Variants in NRXN3 observed in about 807,000 individuals in gnomAD.
NRXN3 encodes neurexin III.
A neutral mutation model predicts 137.6 loss-of-function variants in NRXN3; 32 were observed. The observed-to-expected ratio is 0.23, with a 90% CI of 0.18 to 0.31. NRXN3 has a LOEUF of 0.31. Among genes scored for constraint, NRXN3 ranks in the 10% least tolerant of loss-of-function variants. The pLI is 1.00. For synonymous variants in NRXN3, 798 were observed against 784.5 expected (o/e 1.02, Z -0.29); for missense variants, 1,574 against 2,062.5 (o/e 0.76, Z 4.59).
chr14:79,540,010 G>A (rs890415123), intron 16 of NRXN3, among the ~76,000 whole-genome samples: 11 of 152,102 alleles, frequency 7.2e-5, no homozygotes, highest in African/African-American at 2.7e-4. Flanking sequence ...TGAGTAGAGG[G>A]GAGTGAGAAG....
chr14:79,165,510 T>C (rs561900035), intron 15 of NRXN3, among the ~76,000 whole-genome samples: 1 of 152,124 alleles, frequency 6.6e-6, no homozygotes, highest in East Asian at 1.9e-4. Context: ...AAAGCAAGAA[T>C]CTAACTTCCT....
At chr14:78,536,544 T>C (rs1212328792) in intron 4 of NRXN3, among the ~76,000 whole-genome samples, 1 of 152,204 alleles carries the variant, frequency 6.6e-6, no homozygotes, top group Non-Finnish European at 1.5e-5. Context: ...GAACTAGCTC[T>C]AGCTGGTCTG....
At chr14:78,294,221 C>T (rs540564580) in intron 3 of NRXN3, among the ~76,000 whole-genome samples, 1 of 152,276 alleles carries the variant, frequency 6.6e-6, no homozygotes, top group East Asian at 1.9e-4. Context: ...CAGTACATTT[C>T]CATAGCATAA....
At chr14:78,930,162 G>A (rs1300129973) in intron 10 of NRXN3, among the ~76,000 whole-genome samples, 1 of 152,146 alleles carries the variant, frequency 6.6e-6, no homozygotes. Context: ...GTAAGTAATA[G>A]ACCAATGTCA....
chr14:79,394,111 G>C lies in NRXN3; in HGVS notation c.3263-73110G>C, dbSNP rs140034212. ...CATAGTTTATGCTTGGTGGCATGTA[G>C]AGAAATATAAAAATAAAAGATAGTG... On this transcript the variant is annotated intron_variant, in intron 15 of 20. Coordinates refer to ENST00000335750, the MANE Select transcript of NRXN3 (RefSeq NM_001330195.2). Among the ~76,000 whole-genome samples the C allele has an allele frequency of 8.9e-4, 136 of 152,270 alleles. No homozygotes were observed. The East Asian group carries it at 0.022, about 25-fold the overall frequency.
chr14:79,181,142 A>G, intron 15 of NRXN3, among the ~76,000 whole-genome samples: 1 of 152,034 alleles, frequency 6.6e-6, no homozygotes, highest in East Asian at 1.9e-4. Context: ...CTTGGTCTAT[A>G]AAGATTCTAA....
intron 16 of NRXN3, among the ~76,000 whole-genome samples, chr14:79,617,919 A>AAAAAAAAAAAAAAAAAACAAAC (rs1309031706): frequency 7.2e-6 from 1 of 139,732 alleles, no homozygotes; most frequent in African/African-American, 2.6e-5. Flanking sequence ...AATAGCAGCA[A>AAAAAAAAAAAAAAAAAACAAAC]AAAAAAAAAA....
At chr14:78,902,845 TTA>T (rs574542908) in intron 10 of NRXN3, among the ~76,000 whole-genome samples, 14 of 151,246 alleles carry the variant, frequency 9.3e-5, no homozygotes, top group African/African-American at 3.4e-4. Flanking sequence ...ATATTAAATA[TTA>T]TATATATATG....
intron 4 of NRXN3, among the ~76,000 whole-genome samples, chr14:78,344,845 T>C (rs545019988): frequency 6.6e-6 from 1 of 152,274 alleles, no homozygotes; most frequent in African/African-American, 2.4e-5. Flanking sequence ...AACTCTCAGA[T>C]TCTTTGAAAG....
intron 10 of NRXN3, among the ~76,000 whole-genome samples, chr14:78,917,934 A>G (rs971443447): frequency 6.7e-6 from 1 of 149,804 alleles, no homozygotes; most frequent in African/African-American, 2.5e-5. Flanking sequence ...CAACCTGAAT[A>G]TTTTCTAGAT....
rs141761346 is a variant in NRXN3 at position 79,825,344 on chromosome 14, T to A, written c.4093+20154T>A. 3.9e-5 allele frequency among the ~76,000 whole-genome samples: 6 copies of A among 152,288 alleles called. No homozygotes were observed. The East Asian group carries it at 1.2e-3, about 29-fold the overall frequency. The stretch of plus-strand genomic sequence containing the variant: ...TCACCCTATCAGTTGTCATTCATGC[T>A]GACTTCTTCCTCTACTCTCTTCACT... On this transcript the variant is annotated intron_variant, in intron 20 of 20. Coordinates refer to ENST00000335750, the MANE Select transcript of NRXN3 (RefSeq NM_001330195.2).
intron 11 of NRXN3, among the ~76,000 whole-genome samples, chr14:78,957,776 C>T (rs1204037578): frequency 6.6e-6 from 1 of 152,168 alleles, no homozygotes; most frequent in African/African-American, 2.4e-5. Context: ...CAGAACATTA[C>T]AGGTAAAAGT....
chr14:79,018,538 AT>A (rs1295391484), intron 15 of NRXN3, among the ~76,000 whole-genome samples: 1 of 152,008 alleles, frequency 6.6e-6, no homozygotes, highest in African/African-American at 2.4e-5. Context: ...TTTTATTCTC[AT>A]CTGTTTTATT....
intron 10 of NRXN3, among the ~76,000 whole-genome samples, chr14:78,904,880 C>A (rs1405491702): frequency 6.6e-6 from 1 of 152,024 alleles, no homozygotes; most frequent in Non-Finnish European, 1.5e-5. Context: ...CCTATTTTCC[C>A]TTCCACAATG....
intron 15 of NRXN3, among the ~76,000 whole-genome samples, chr14:78,999,751 T>C (rs1014964698): frequency 5.9e-5 from 9 of 152,178 alleles, no homozygotes; most frequent in South Asian, 2.1e-4. Flanking sequence ...CAGCGGATCA[T>C]GGTTGGAGGG....
chr14:79,339,429 A>G (rs920785017), intron 15 of NRXN3, among the ~76,000 whole-genome samples: 2 of 152,200 alleles, frequency 1.3e-5, no homozygotes, highest in African/African-American at 2.4e-5. Flanking sequence ...GAGAATTTTC[A>G]TTTCTAACAA....
At position 78,618,547 on chromosome 14, in the gene NRXN3, CTG is replaced by C. The variant is rs150708081; in HGVS notation, c.758-26570_758-26569del. 3.8e-3 allele frequency among the ~76,000 whole-genome samples: 581 copies of C among 152,332 alleles called. 5 individuals carry two copies. Among genetic ancestry groups the C allele is most frequent in the African/African-American group, 0.014 (563 of 41,574 alleles). On this transcript the variant is annotated intron_variant, in intron 4 of 20. Transcript: ENST00000335750. Reference sequence around the variant, plus strand: ...GCGCAGTCACCGTCCCTCTGGAAAACTGTGCATTCTGTGAATGCTGACTCTGG... The same window carrying C: ...GCGCAGTCACCGTCCCTCTGGAAAACTGCATTCTGTGAATGCTGACTCTGG...
intron 15 of NRXN3, among the ~76,000 whole-genome samples, chr14:79,048,677 C>T (rs1407029377): frequency 6.6e-6 from 1 of 150,702 alleles, no homozygotes; most frequent in Non-Finnish European, 1.5e-5. Flanking sequence ...TGGATGTTCA[C>T]AGCTGCTGAC....
chr14:79,132,186 G>T (rs565617409), intron 15 of NRXN3, among the ~76,000 whole-genome samples: 3 of 152,192 alleles, frequency 2.0e-5, no homozygotes, highest in Admixed American at 2.0e-4. Flanking sequence ...TTCCTATTCC[G>T]CCATCTTGGC....
Sources: gnomAD v4.1 joint callset for allele counts (sites outside exome capture counted in the v4.1 genomes callset) on GRCh38, gnomAD v4.1.1 for gene constraint, MANE v1.5 for transcripts, NCBI Gene and HGNC (gene_info 2026-07-23, HGNC 2026-07-21) for gene names.